AFF4: variants seen among roughly 807,000 people sequenced by gnomAD.
The protein encoded by AFF4 is ALF transcription elongation factor 4, also known as AF4/FMR2 family member 4.
AFF4 carries 13 observed loss-of-function variants against 124.8 expected under a neutral mutation model. The ratio of observed to expected loss-of-function variants is 0.10; its 90% CI spans 0.07 to 0.17. The LOEUF (loss-of-function observed/expected upper bound fraction) is 0.17, where lower values mean the gene tolerates loss of function less well. Ranked by LOEUF, AFF4 falls within the 10% of genes least tolerant of loss-of-function variation. The probability of loss-of-function intolerance (pLI) is 1.00; values close to 1 mark genes in which losing one functional copy is unlikely to be tolerated. For missense variants in AFF4, 1,092 were observed against 1,403.8 expected (o/e 0.78, Z 3.55); for synonymous variants, 477 against 496.1 (o/e 0.96, Z 0.51).
chr5:132,960,946 G>A (rs1012990156), intron 1 of AFF4, among the ~76,000 whole-genome samples: 6 of 152,174 alleles, frequency 3.9e-5, no homozygotes, highest in Non-Finnish European at 5.9e-5. Flanking sequence ...TAGGTTGGCC[G>A]GGCGCAGTGC....
chr5:132,881,749 C>T (rs1199923183), intron 20 of AFF4, among the ~76,000 whole-genome samples: 3 of 151,910 alleles, frequency 2.0e-5, no homozygotes, highest in African/African-American at 2.4e-5. Context: ...TGCAGTGGCG[C>T]GATCTCGGTT....
Position 132,902,481 on chromosome 5 carries a change from T to C in AFF4, c.1094A>G (p.Tyr365Cys), listed in dbSNP as rs1302771211. 1 of 1,607,916 alleles carries C rather than the reference T, an allele frequency of 6.2e-7. No homozygotes were observed. The highest frequency in any genetic ancestry group is 1.7e-5 in the Admixed American group (1 of 60,002). ...CCCATTTGAAGTTTTAGAAGGATTA[T>C]ATCTTTCTGGAACAAAAAGAATGAA... ...SNFGTGEQKR[Y>C]NPSKTSNGHQ... is the part of the protein sequence containing the mutation. Residue 365 changes from tyrosine to cysteine, a missense_variant, in exon 7 of 21, where the codon TAT (tyrosine) becomes TGT (cysteine). Physicochemically the swap from Tyr to Cys is radical, Grantham distance 194. Transcript: ENST00000265343.
intron 7 of AFF4, chr5:132,900,899 A>G: frequency 1.0e-6 from 1 of 984,534 alleles, no homozygotes. Context: ...TACAATCTCC[A>G]ATCAGTGAGA....
At position 132,875,696 on chromosome 5, in the gene AFF4, G is replaced by A. The variant is rs1035367298; in HGVS notation, c.*5363C>T. ...TTTGCTCACCATTAACAGCTTTATC[G>A]TGTGAAATGCACATACTGACTTAGA... On this transcript the variant is annotated 3_prime_UTR_variant, in exon 21 of 21. Coordinates refer to ENST00000265343, the MANE Select transcript of AFF4 (RefSeq NM_014423.4). 6.9e-5 allele frequency: 14 copies of A among 202,520 alleles called. No homozygotes were observed. Among genetic ancestry groups the A allele is most frequent in the South Asian group, 5.7e-4 (3 of 5,252 alleles). 12.5% of individuals were successfully genotyped at this position (202,520 alleles called of 1,614,324 possible).
At chr5:132,915,394 T>C (rs1035985134) in intron 5 of AFF4, among the ~76,000 whole-genome samples, 1 of 151,442 alleles carries the variant, frequency 6.6e-6, no homozygotes, top group Non-Finnish European at 1.5e-5. Flanking sequence ...TTCCAGAAAA[T>C]GGAAGGGGAA....
At chr5:132,939,612 CTT>C (rs1289411437) in intron 1 of AFF4, among the ~76,000 whole-genome samples, 1 of 152,148 alleles carries the variant, frequency 6.6e-6, no homozygotes, top group East Asian at 1.9e-4. Context: ...TCTGCAACTT[CTT>C]TTTTCTTTTT....
chr5:132,933,615 A>C (rs1423726923), intron 3 of AFF4, among the ~76,000 whole-genome samples: 1 of 152,198 alleles, frequency 6.6e-6, no homozygotes, highest in Non-Finnish European at 1.5e-5. Flanking sequence ...AATTCAATTT[A>C]AATTTCAAAC....
rs1759893153 is a variant in AFF4, at chr5:132,878,490, G to T, written c.*2569C>A. ...ACCTATTGAGGAGGGAGGGGGGAAG[G>T]TCACCTGTAAAGGAGTCCAAAGTAT... On this transcript the variant is annotated 3_prime_UTR_variant, in exon 21 of 21. Coordinates refer to ENST00000265343, the MANE Select transcript of AFF4 (RefSeq NM_014423.4). 4.3e-6 allele frequency: 1 copy of T among 232,458 alleles called. No homozygotes were observed. The allele number at this position is 232,458 out of a possible 1,614,324, so 14.4% of individuals were successfully genotyped here. A position where few individuals can be genotyped will look rare whatever the true frequency, so the allele number is the denominator to read the frequency against.
In AFF4 at chr5:132,930,538, T is replaced by C. The variant is rs549881410; in HGVS notation, c.963+1640A>G. Among the ~76,000 whole-genome samples the C allele has an allele frequency of 1.9e-4, 29 of 151,932 alleles. 1 individual carries two copies. The Middle Eastern group carries it at 0.01, about 54-fold the overall frequency. ...AATGGCAGAGGTAAAAGGGAGATTA[T>C]AGTGGGCTAAAGGAAGGAATGGGAA... is the stretch of plus-strand genomic sequence containing the variant. On this transcript the variant is annotated intron_variant, in intron 4 of 20. Coordinates refer to ENST00000265343, the MANE Select transcript of AFF4 (RefSeq NM_014423.4).
At chr5:132,943,298 A>G in intron 1 of AFF4, 1 of 197,102 alleles carries the variant, frequency 5.1e-6, no homozygotes, top group Non-Finnish European at 1.1e-5. Flanking sequence ...ACAATAAGAA[A>G]GTTGGCCACA....
intron 1 of AFF4, among the ~76,000 whole-genome samples, chr5:132,961,861 A>T (rs185559991): frequency 6.6e-6 from 1 of 152,350 alleles, no homozygotes; most frequent in East Asian, 1.9e-4. Context: ...TGCTGGTAAT[A>T]AAAAAAGAAA....
rs114938747 is a variant in AFF4, at chr5:132,905,844, A to G, written c.1051-1440T>C. On this transcript the variant is annotated intron_variant, in intron 5 of 20. Coordinates refer to ENST00000265343, the MANE Select transcript of AFF4 (RefSeq NM_014423.4). ...ATTGTTATCAAAAAAGTGAAAAGAC[A>G]ACTCACAGAATAGGAGAAAATATTT... 2.3e-3 allele frequency among the ~76,000 whole-genome samples: 353 copies of G among 152,338 alleles called. 1 individual carries two copies. Among genetic ancestry groups the G allele is most frequent in the African/African-American group, 8.3e-3 (345 of 41,592 alleles).
chr5:132,933,882 T>C (rs1042005813), intron 3 of AFF4, among the ~76,000 whole-genome samples: 2 of 152,326 alleles, frequency 1.3e-5, no homozygotes, highest in African/African-American at 4.8e-5. Flanking sequence ...AATTAGTCAT[T>C]CTTTTATTCT....
At chr5:132,950,156 C>G (rs574891489) in intron 1 of AFF4, among the ~76,000 whole-genome samples, 1 of 151,752 alleles carries the variant, frequency 6.6e-6, no homozygotes, top group Admixed American at 6.6e-5. Flanking sequence ...ATGGTGAAAC[C>G]CCATCTCAAC....
intron 5 of AFF4, among the ~76,000 whole-genome samples, chr5:132,912,421 A>G (rs866985646): frequency 5.3e-4 from 80 of 152,064 alleles, no homozygotes; most frequent in African/African-American, 1.8e-3. Flanking sequence ...AGTGCAGTGG[A>G]GTGATGATGG....
intron 1 of AFF4, among the ~76,000 whole-genome samples, chr5:132,947,781 G>A (rs1761735917): frequency 6.6e-6 from 1 of 152,076 alleles, no homozygotes; most frequent in African/African-American, 2.4e-5. Context: ...CTTCCTACAA[G>A]TCAGGGAAAC....
In AFF4 at chr5:132,898,364, C is replaced by T; in HGVS notation, c.1255G>A (p.Glu419Lys). Residue 419 changes from glutamate (E) to lysine (K), a missense_variant, in exon 10 of 21, where the codon GAA becomes AAA. Physicochemically the swap from Glu to Lys is moderately conservative, Grantham distance 56 (BLOSUM62 1). Coordinates refer to ENST00000265343, the MANE Select transcript of AFF4 (RefSeq NM_014423.4). ...SNSEPSHHNS[E>K]GADNSRDDSS... ...TCATCCCTGGAGTTATCTGCTCCTT[C>T]ACTATTATGGTGTGAAGGTTCAGAG... 1 of 1,614,166 alleles carries T rather than the reference C, an allele frequency of 6.2e-7. No homozygotes were observed. The highest frequency in any genetic ancestry group is 8.5e-7 in the Non-Finnish European group (1 of 1,180,022).
chr5:132,958,582 G>A (rs1156774379), intron 1 of AFF4, among the ~76,000 whole-genome samples: 1 of 151,596 alleles, frequency 6.6e-6, no homozygotes, highest in African/African-American at 2.4e-5. Flanking sequence ...GCAATGAAAC[G>A]TAAATCAGGC....
At chr5:132,930,053 T>C (rs1279743916) in intron 4 of AFF4, among the ~76,000 whole-genome samples, 5 of 152,178 alleles carry the variant, frequency 3.3e-5, no homozygotes, top group Non-Finnish European at 7.3e-5. Context: ...GTTACAAGCA[T>C]GGGAAAACGG....
Sources: allele counts gnomAD v4.1 joint callset (sites outside exome capture counted in the v4.1 genomes callset), GRCh38; gene constraint gnomAD v4.1.1; transcripts MANE v1.5; gene names NCBI Gene and HGNC (gene_info 2026-07-23, HGNC 2026-07-21).